ASAH2: variants seen among roughly 807,000 people sequenced by gnomAD.
ASAH2 encodes N-acylsphingosine amidohydrolase 2, also known as neutral ceramidase.
Under a neutral mutation model 82.9 loss-of-function variants are expected in ASAH2, and 58 were observed. The observed-to-expected ratio is 0.70, with a 90% CI of 0.57 to 0.87. The LOEUF is 0.87. ASAH2 is among the 40% of genes least tolerant of loss of function. ASAH2 has a pLI of 0.00. For synonymous variants in ASAH2, 276 were observed against 289.7 expected (o/e 0.95, Z 0.48); for missense variants, 779 against 834.0 (o/e 0.93, Z 0.81).
intron 15 of ASAH2, among the ~76,000 whole-genome samples, chr10:50,203,404 C>A (rs1589325347): frequency 6.6e-6 from 1 of 151,896 alleles, no homozygotes; most frequent in African/African-American, 2.4e-5. Flanking sequence ...TTAATGTATA[C>A]AAACATTATC....
intron 8 of ASAH2, 125 bp downstream of exon 8, chr10:50,218,385 C>A (rs1191629977): frequency 9.7e-6 from 13 of 1,338,184 alleles, no homozygotes; most frequent in African/African-American, 1.4e-5. Context: ...TCTATTCAAG[C>A]ATACCAATAT....
At chr10:50,244,510 G>A (rs187372659) in intron 3 of ASAH2, among the ~76,000 whole-genome samples, 26 of 152,282 alleles carry the variant, frequency 1.7e-4, no homozygotes, top group Admixed American at 3.9e-4. Context: ...TACTTGGAGG[G>A]AGGGAGTGAA....
chr10:50,230,966 A>C (rs1254499959), intron 7 of ASAH2, among the ~76,000 whole-genome samples: 1 of 151,008 alleles, frequency 6.6e-6, no homozygotes, highest in Non-Finnish European at 1.5e-5. Context: ...ACTTGAGCCT[A>C]GGAATTTGAG....
chr10:50,234,534 T>C lies in ASAH2; in HGVS notation c.706A>G (p.Thr236Ala). The change falls in exon 6 of 21, where the codon ACA (threonine) becomes GCA (alanine). Residue 236 changes from threonine to alanine, a missense_variant. Physicochemically the swap from Thr to Ala is moderately conservative, Grantham distance 58 (BLOSUM62 0). Transcript: ENST00000682911. ...GILKSIDIAH[T>A]NMKPGKIFIN... ...AAGATTTTGCCTGGTTTCATATTTGTGTGTGCTATGTCAATGCTCTGAAGG... is the reference window on the plus strand; with the variant it reads ...AAGATTTTGCCTGGTTTCATATTTGCGTGTGCTATGTCAATGCTCTGAAGG... 3 of 1,612,958 alleles carry C rather than the reference T, an allele frequency of 1.9e-6. No individual in the cohort carries two copies. The highest frequency in any genetic ancestry group is 1.7e-4 in the Middle Eastern group (1 of 6,048).
intron 8 of ASAH2, among the ~76,000 whole-genome samples, chr10:50,215,961 C>T (rs1845585294): frequency 6.6e-6 from 1 of 152,138 alleles, no homozygotes; most frequent in South Asian, 2.1e-4. Flanking sequence ...CACATATACA[C>T]CATGGAATAC....
At chr10:50,204,658 G>T (rs914389438) in intron 14 of ASAH2, among the ~76,000 whole-genome samples, 5 of 151,526 alleles carry the variant, frequency 3.3e-5, no homozygotes, top group Admixed American at 1.3e-4. Flanking sequence ...GTCTGCCTCA[G>T]GTGAGCCATC....
chr10:50,224,891 A>G (rs1356657242), intron 7 of ASAH2, among the ~76,000 whole-genome samples: 1 of 152,186 alleles, frequency 6.6e-6, no homozygotes, highest in African/African-American at 2.4e-5. Context: ...CTAAATTTTA[A>G]ACCAGCAGAA....
At chr10:50,195,901 G>A (rs1844965024) in intron 18 of ASAH2, among the ~76,000 whole-genome samples, 1 of 151,782 alleles carries the variant, frequency 6.6e-6, no homozygotes, top group Admixed American at 6.6e-5. Context: ...CAGGGGCTAG[G>A]AGGTTAGGGG....
chr10:50,229,447 C>T (rs1162809502), intron 7 of ASAH2, among the ~76,000 whole-genome samples: 1 of 152,112 alleles, frequency 6.6e-6, no homozygotes, highest in Admixed American at 6.6e-5. Context: ...GGTGGCTTCA[C>T]AATTGTAGAG....
intron 18 of ASAH2, among the ~76,000 whole-genome samples, chr10:50,194,931 AAAC>A (rs1184338895): frequency 6.6e-6 from 1 of 151,606 alleles, no homozygotes; most frequent in Non-Finnish European, 1.5e-5. Flanking sequence ...TGAAACTATA[AAAC>A]AACTGAAAGA....
chr10:50,209,442 C>T (rs992902876), intron 12 of ASAH2, among the ~76,000 whole-genome samples: 110,556 of 151,438 alleles, frequency 0.73, 43,011 homozygotes, highest in Non-Finnish European at 0.88. Context: ...ATCTGCCTCC[C>T]GGTTTCAAGC....
At chr10:50,217,731 A>C (rs900172197) in intron 8 of ASAH2, among the ~76,000 whole-genome samples, 18 of 152,312 alleles carry the variant, frequency 1.2e-4, no homozygotes, top group African/African-American at 4.3e-4. Flanking sequence ...AAACTAAGAC[A>C]GAGCTAAATG....
chr10:50,217,235 T>TC (rs1304322469), intron 8 of ASAH2, among the ~76,000 whole-genome samples: 1 of 150,530 alleles, frequency 6.6e-6, no homozygotes, highest in African/African-American at 2.4e-5. Flanking sequence ...CTTTCTTTTT[T>TC]TTTTTTTTTT....
intron 16 of ASAH2, among the ~76,000 whole-genome samples, chr10:50,201,495 C>T (rs960586543): frequency 1.3e-5 from 2 of 152,048 alleles, no homozygotes; most frequent in Non-Finnish European, 2.9e-5. Context: ...TCTGTATGCT[C>T]CCCTTCCCAT....
intron 2 of ASAH2, among the ~76,000 whole-genome samples, chr10:50,247,629 A>G (rs185187145): frequency 8.5e-5 from 13 of 152,172 alleles, no homozygotes; most frequent in Admixed American, 7.2e-4. Flanking sequence ...CAAAAGGGAA[A>G]ACTGAGGTAG....
intron 16 of ASAH2, 41 bp downstream of exon 16, chr10:50,202,787 TG>T: frequency 1.6e-6 from 2 of 1,275,368 alleles, no homozygotes; most frequent in Non-Finnish European, 1.1e-6. Flanking sequence ...TAGTCTTTAC[TG>T]GGGTATAATT....
At position 50,221,239 on chromosome 10, in the gene ASAH2, T is replaced by C. The variant is rs553429356; in HGVS notation, c.894-2609A>G. 1.4e-4 allele frequency among the ~76,000 whole-genome samples: 22 copies of C among 152,306 alleles called. No homozygotes were observed. The East Asian group carries it at 4.1e-3, about 28-fold the overall frequency. On this transcript the variant is annotated intron_variant, in intron 7 of 20. Transcript: ENST00000682911. ...TTAGAACTCAAGTATCAGGAAATTC[T>C]AATCAACTAGTGTTTTCCAGTTACA...
At chr10:50,219,928 C>A (rs1845699527) in intron 7 of ASAH2, among the ~76,000 whole-genome samples, 1 of 152,192 alleles carries the variant, frequency 6.6e-6, no homozygotes, top group South Asian at 2.1e-4. Flanking sequence ...GGAGTATAAA[C>A]CAGTGCTGCC....
chr10:50,219,499 A>G, intron 7 of ASAH2, among the ~76,000 whole-genome samples: 1 of 152,190 alleles, frequency 6.6e-6, no homozygotes, highest in South Asian at 2.1e-4. Flanking sequence ...ATATTTACAG[A>G]GTGGAAGGCA....
Sources: allele counts gnomAD v4.1 joint callset (sites outside exome capture counted in the v4.1 genomes callset), GRCh38; gene constraint gnomAD v4.1.1; transcripts MANE v1.5; gene names NCBI Gene and HGNC (gene_info 2026-07-23, HGNC 2026-07-21).